The following CA10 variants were observed in gnomAD, a reference collection of about 807,000 sequenced individuals.
CA10 encodes carbonic anhydrase-related protein 10.
In CA10, 14 loss-of-function variants were observed where a neutral mutation model predicts 44.2. The observed-to-expected ratio is 0.32, with a 90% CI of 0.21 to 0.50. CA10 has a LOEUF of 0.50. Among genes scored for constraint, CA10 ranks in the 20% least tolerant of loss-of-function variants. CA10 has a pLI of 0.99. For synonymous variants in CA10, 159 were observed against 141.6 expected (o/e 1.12, Z -0.87); for missense variants, 350 against 409.7 (o/e 0.85, Z 1.26).
At chr17:51,777,553 A>G (rs942449168) in intron 3 of CA10, among the ~76,000 whole-genome samples, 3 of 152,210 alleles carry the variant, frequency 2.0e-5, no homozygotes, top group African/African-American at 7.2e-5. Flanking sequence ...AGGGACAACT[A>G]TAAAGGGAAT....
chr17:51,889,029 T>C (rs1980737443), intron 3 of CA10, among the ~76,000 whole-genome samples: 1 of 152,144 alleles, frequency 6.6e-6, no homozygotes, highest in Non-Finnish European at 1.5e-5. Context: ...CAGCTGGTGC[T>C]GCCAATCAGA....
chr17:52,053,657 G>T (rs1173724272), intron 2 of CA10, among the ~76,000 whole-genome samples: 1 of 152,048 alleles, frequency 6.6e-6, no homozygotes, highest in Non-Finnish European at 1.5e-5. Flanking sequence ...ACATAAAAAG[G>T]CAGAGATAGA....
chr17:51,694,189 A>T (rs1490285621), intron 4 of CA10, among the ~76,000 whole-genome samples: 2 of 151,442 alleles, frequency 1.3e-5, no homozygotes, highest in African/African-American at 4.9e-5. Context: ...GGGCAACAAG[A>T]GCGAAACTCC....
chr17:52,126,965 A>G (rs1989133035), intron 1 of CA10, among the ~76,000 whole-genome samples: 1 of 152,242 alleles, frequency 6.6e-6, no homozygotes, highest in African/African-American at 2.4e-5. Context: ...AATAGAGGAG[A>G]GCACTGGCCT....
intron 2 of CA10, among the ~76,000 whole-genome samples, chr17:52,055,345 TGA>T (rs756528281): frequency 1.4e-4 from 3 of 20,992 alleles, no homozygotes; most frequent in East Asian, 3.8e-3. Context: ...ATCCTTCTGG[TGA>T]AAAAAAAAAA....
At chr17:52,112,207 A>G (rs1988802060) in intron 1 of CA10, among the ~76,000 whole-genome samples, 2 of 152,170 alleles carry the variant, frequency 1.3e-5, no homozygotes, top group South Asian at 4.1e-4. Flanking sequence ...AAAAAAACTC[A>G]CAATTTGGTA....
intron 4 of CA10, among the ~76,000 whole-genome samples, chr17:51,685,569 A>G (rs562337684): frequency 1.3e-5 from 2 of 152,320 alleles, no homozygotes; most frequent in East Asian, 3.9e-4. Flanking sequence ...TCAAATGCAG[A>G]GGGACCCAGA....
chr17:52,049,757 T>C (rs1444502553), intron 2 of CA10, among the ~76,000 whole-genome samples: 1 of 152,106 alleles, frequency 6.6e-6, no homozygotes, highest in Non-Finnish European at 1.5e-5. Flanking sequence ...CACAAGTGCA[T>C]CAAAATTAGC....
chr17:51,758,272 T>G (rs191453735), intron 3 of CA10, among the ~76,000 whole-genome samples: 8 of 152,334 alleles, frequency 5.3e-5, no homozygotes, highest in African/African-American at 1.9e-4. Context: ...TGAATCTGTT[T>G]TTGATAATAT....
At chr17:52,062,291 A>C (rs920200826) in intron 2 of CA10, among the ~76,000 whole-genome samples, 1 of 152,058 alleles carries the variant, frequency 6.6e-6, no homozygotes, top group Non-Finnish European at 1.5e-5. Context: ...AATTACCTAA[A>C]GGTGGAATTT....
At position 51,849,126 on chromosome 17, in the gene CA10, A is replaced by T. The variant is rs188300123; in HGVS notation, c.279+81864T>A. Among the ~76,000 whole-genome samples, 1,362 of 138,960 alleles carry T rather than the reference A, an allele frequency of 9.8e-3. 26 individuals are homozygous for T. The highest frequency in any genetic ancestry group is 0.034 in the African/African-American group (1,314 of 38,624). 91.2% of individuals were successfully genotyped at this position (138,960 alleles called of 152,430 possible). On this transcript the variant is annotated intron_variant, in intron 3 of 8. Coordinates refer to ENST00000451037, the MANE Select transcript of CA10 (RefSeq NM_020178.5). ...ATATATATGTGTGTGTATATATATA[A>T]ATATAAAAACTTAGTTTTTTATATA...
chr17:52,020,802 C>A (rs117437631), intron 2 of CA10, among the ~76,000 whole-genome samples: 1 of 151,970 alleles, frequency 6.6e-6, no homozygotes, highest in African/African-American at 2.4e-5. Flanking sequence ...ACCCTTGCCC[C>A]ATCCTTCTTT....
At chr17:51,903,846 A>G (rs982070816) in intron 3 of CA10, among the ~76,000 whole-genome samples, 2 of 152,114 alleles carry the variant, frequency 1.3e-5, no homozygotes, top group African/African-American at 2.4e-5. Flanking sequence ...GTAGTAAGCT[A>G]TTTTCTATTA....
intron 7 of CA10, among the ~76,000 whole-genome samples, chr17:51,635,394 T>A (rs1912780196): frequency 6.6e-6 from 1 of 152,010 alleles, no homozygotes; most frequent in South Asian, 2.1e-4. Flanking sequence ...GTGTCTGTAA[T>A]CCCAGCTACT....
chr17:51,907,269 T>G lies in CA10; in HGVS notation c.279+23721A>C, dbSNP rs77641796. ...GCAGCTGTTCTCTTTGGCTCAATAA[T>G]CAACTTCCTGCTGTTCACTTGCTTA... On this transcript the variant is annotated intron_variant, in intron 3 of 8. Coordinates refer to ENST00000451037, the MANE Select transcript of CA10 (RefSeq NM_020178.5). 8.9e-3 allele frequency among the ~76,000 whole-genome samples: 1,347 copies of G among 152,164 alleles called. 22 individuals carry two copies. Among genetic ancestry groups the G allele is most frequent in the African/African-American group, 0.031 (1,285 of 41,514 alleles).
At chr17:51,990,612 G>A (rs12150013) in intron 2 of CA10, among the ~76,000 whole-genome samples, 16,837 of 152,120 alleles carry the variant, frequency 0.11, 961 homozygotes, top group South Asian at 0.16. Context: ...ACATCAATTA[G>A]TGATCCTCTT....
chr17:51,801,742 TAAG>T (rs537976047), intron 3 of CA10, among the ~76,000 whole-genome samples: 1 of 152,168 alleles, frequency 6.6e-6, no homozygotes, highest in Non-Finnish European at 1.5e-5. Context: ...TATAGTGCAG[TAAG>T]AAGAAGGCAT....
intron 3 of CA10, among the ~76,000 whole-genome samples, chr17:51,782,317 T>C (rs1471146424): frequency 3.9e-5 from 6 of 152,330 alleles, no homozygotes; most frequent in African/African-American, 1.4e-4. Context: ...TGCCTGAAAA[T>C]CTAGGCTTCC....
chr17:51,889,338 G>A (rs912871146), intron 3 of CA10, among the ~76,000 whole-genome samples: 2 of 152,048 alleles, frequency 1.3e-5, no homozygotes, highest in Non-Finnish European at 2.9e-5. Flanking sequence ...CCTGGGCAAT[G>A]TGGTGAAATC....
Sources: allele counts gnomAD v4.1 joint callset (sites outside exome capture counted in the v4.1 genomes callset), GRCh38; gene constraint gnomAD v4.1.1; transcripts MANE v1.5; gene names NCBI Gene and HGNC (gene_info 2026-07-23, HGNC 2026-07-21).